Variants in ATP10B observed in about 807,000 individuals in gnomAD.
The protein encoded by ATP10B is ATPase phospholipid transporting 10B (putative).
ATP10B carries 122 observed loss-of-function variants against 141.2 expected under a neutral mutation model. That is an observed-to-expected ratio of 0.86 (90% CI 0.75 to 1.00). ATP10B has a LOEUF of 1.00. Ranked by LOEUF, ATP10B falls within the 50% of genes least tolerant of loss-of-function variation. The probability of loss-of-function intolerance (pLI) is 0.00; values close to 1 mark genes in which losing one functional copy is unlikely to be tolerated. For synonymous variants in ATP10B, 685 were observed against 692.0 expected (o/e 0.99, Z 0.16); for missense variants, 1,876 against 1,825.3 (o/e 1.03, Z -0.51).
At chr5:160,783,686 G>T (rs983115042) in intron 2 of ATP10B, among the ~76,000 whole-genome samples, 4 of 151,236 alleles carry the variant, frequency 2.6e-5, no homozygotes, top group Non-Finnish European at 5.9e-5. Context: ...AAATTGTGCT[G>T]CTATAAACGT....
intron 1 of ATP10B, among the ~76,000 whole-genome samples, chr5:160,786,321 C>T (rs1236221019): frequency 1.3e-5 from 2 of 152,038 alleles, no homozygotes; most frequent in African/African-American, 4.8e-5. Flanking sequence ...TTATTTGGAC[C>T]CCCAGATTTA....
the ATP10B span, among the ~76,000 whole-genome samples, chr5:160,883,867 T>G: frequency 6.6e-6 from 1 of 152,182 alleles, no homozygotes; most frequent in Non-Finnish European, 1.5e-5. Context: ...ATTATTTTAG[T>G]GTTTGTACAG....
At chr5:160,864,840 A>G in the ATP10B span, among the ~76,000 whole-genome samples, 8 of 152,122 alleles carry the variant, frequency 5.3e-5, 1 homozygote, top group East Asian at 1.9e-4. Flanking sequence ...AAATAAAATA[A>G]AATAGAATAC....
Position 160,649,878 on chromosome 5 carries a change from G to A in ATP10B, c.676-622C>T, listed in dbSNP as rs1312018537. On this transcript the variant is annotated intron_variant, in intron 7 of 25. Transcript: ENST00000327245. ...CACACCTGTAATCCCAGCACTTTGG[G>A]AGGCTGAGGCAGGCAGATCACCTGA... Among the ~76,000 whole-genome samples the A allele has an allele frequency of 2.0e-5, 3 of 152,090 alleles. No individual in the cohort carries two copies. In the East Asian group the frequency reaches 5.8e-4, roughly 29 times the overall value.
chr5:160,904,671 T>A, the ATP10B span, among the ~76,000 whole-genome samples: 1 of 152,176 alleles, frequency 6.6e-6, no homozygotes, highest in Non-Finnish European at 1.5e-5. Flanking sequence ...TGTACAATAA[T>A]GTATCTATAA....
intron 2 of ATP10B, among the ~76,000 whole-genome samples, chr5:160,742,559 C>T (rs1767551551): frequency 6.6e-6 from 1 of 152,164 alleles, no homozygotes; most frequent in Admixed American, 6.5e-5. Context: ...CAGGTCTTTG[C>T]TTTTCACTTG....
chr5:160,874,326 G>C, the ATP10B span, among the ~76,000 whole-genome samples: 2 of 152,006 alleles, frequency 1.3e-5, no homozygotes, highest in Non-Finnish European at 2.9e-5. Flanking sequence ...TGAGGGTCCT[G>C]TCTGTTAGAA....
chr5:160,777,851 T>G (rs1337677944), intron 2 of ATP10B, among the ~76,000 whole-genome samples: 1 of 152,224 alleles, frequency 6.6e-6, no homozygotes, highest in Non-Finnish European at 1.5e-5. Context: ...ACATTTCTAC[T>G]ATACAATATT....
At chr5:160,727,464 G>A (rs994173290) in intron 2 of ATP10B, among the ~76,000 whole-genome samples, 7 of 152,258 alleles carry the variant, frequency 4.6e-5, no homozygotes, top group African/African-American at 1.4e-4. Flanking sequence ...GTGTGGTAAA[G>A]AAGTTAACCT....
intron 13 of ATP10B, among the ~76,000 whole-genome samples, chr5:160,629,839 T>C (rs990357288): frequency 6.6e-6 from 1 of 152,226 alleles, no homozygotes; most frequent in African/African-American, 2.4e-5. Context: ...AGACTCCACG[T>C]GTGCCTAATT....
chr5:160,799,017 C>A lies in ATP10B; in HGVS notation c.-575-13214G>T, dbSNP rs117707573. Reference sequence around the variant, plus strand: ...TCCACCTGCCCGGCTTCCCAAAGTACTGGGATTACAGGCCTAAGCCACCAC... The same window carrying A: ...TCCACCTGCCCGGCTTCCCAAAGTAATGGGATTACAGGCCTAAGCCACCAC... On this transcript the variant is annotated intron_variant, in intron 1 of 25. Coordinates refer to ENST00000327245, the MANE Select transcript of ATP10B (RefSeq NM_025153.3). 5.6e-4 allele frequency among the ~76,000 whole-genome samples: 85 copies of A among 152,210 alleles called. 2 individuals carry two copies. In the East Asian group the frequency reaches 0.016, roughly 29 times the overall value.
chr5:160,880,309 C>T, the ATP10B span, among the ~76,000 whole-genome samples: 11 of 148,384 alleles, frequency 7.4e-5, no homozygotes, highest in African/African-American at 2.7e-4. Context: ...AAGGAAAAAT[C>T]AAATAAATGA....
the ATP10B span, among the ~76,000 whole-genome samples, chr5:160,922,487 C>T: frequency 8.5e-5 from 13 of 152,196 alleles, no homozygotes; most frequent in African/African-American, 1.4e-4. Flanking sequence ...AAGGCAGGTC[C>T]GAGGACACTC....
At chr5:160,802,158 G>A (rs916099628) in intron 1 of ATP10B, among the ~76,000 whole-genome samples, 2 of 152,118 alleles carry the variant, frequency 1.3e-5, no homozygotes, top group African/African-American at 4.8e-5. Flanking sequence ...TAGGTGCGGA[G>A]AAACAATTTC....
At chr5:160,899,938 T>A in the ATP10B span, among the ~76,000 whole-genome samples, 70,112 of 151,968 alleles carry the variant, frequency 0.46, 17,287 homozygotes, top group Non-Finnish European at 0.54. Context: ...CCTTCCCTGG[T>A]GGAGCAGAGG....
intron 24 of ATP10B, 24 bp from the exon 25 acceptor site, chr5:160,569,707 C>T (rs1306085251): frequency 2.6e-6 from 4 of 1,518,718 alleles, no homozygotes; most frequent in Admixed American, 2.2e-5. Flanking sequence ...TAAGCAAACA[C>T]TGTTGAAGGT....
At chr5:160,814,034 A>C (rs1773386425) in intron 1 of ATP10B, among the ~76,000 whole-genome samples, 1 of 152,230 alleles carries the variant, frequency 6.6e-6, no homozygotes, top group South Asian at 2.1e-4. Flanking sequence ...AGATGGGTAA[A>C]AAACAGAGCA....
the ATP10B span, among the ~76,000 whole-genome samples, chr5:160,901,800 G>T: frequency 1.3e-5 from 2 of 152,204 alleles, no homozygotes; most frequent in Non-Finnish European, 2.9e-5. Flanking sequence ...TTTTTATACA[G>T]TAGGACACCA....
intron 1 of ATP10B, among the ~76,000 whole-genome samples, chr5:160,848,625 A>G (rs1363487751): frequency 1.3e-5 from 2 of 152,220 alleles, no homozygotes; most frequent in Non-Finnish European, 2.9e-5. Flanking sequence ...TGCCATAAAG[A>G]GAAGAAAACT....
Sources: gnomAD v4.1 joint callset for allele counts (sites outside exome capture counted in the v4.1 genomes callset) on GRCh38, gnomAD v4.1.1 for gene constraint, MANE v1.5 for transcripts, NCBI Gene and HGNC (gene_info 2026-07-23, HGNC 2026-07-21) for gene names.